Variants in PSPC1 observed in about 807,000 individuals in gnomAD.
The protein encoded by PSPC1 is paraspeckle protein 1.
In PSPC1, 14 loss-of-function variants were observed where a neutral mutation model predicts 51.6. The ratio of observed to expected loss-of-function variants is 0.27; its 90% CI spans 0.18 to 0.42. PSPC1 has a LOEUF of 0.42. Among genes scored for constraint, PSPC1 ranks in the 10% least tolerant of loss-of-function variants. The pLI, the probability that PSPC1 is intolerant of heterozygous loss-of-function variation, is 1.00. For missense variants in PSPC1, 406 were observed against 701.1 expected, an observed-to-expected ratio of 0.58 and a Z score of 4.75; for synonymous variants, 193 against 231.9, an observed-to-expected ratio of 0.83 and a Z score of 1.53.
intron 4 of PSPC1, among the ~76,000 whole-genome samples, chr13:19,743,764 G>A (rs180859002): frequency 1.3e-5 from 2 of 152,122 alleles, no homozygotes; most frequent in African/African-American, 2.4e-5. Context: ...CAATTATTTC[G>A]AACCTTTATA....
At chr13:19,738,158 A>G (rs117703192) in intron 5 of PSPC1, among the ~76,000 whole-genome samples, 2,132 of 152,302 alleles carry the variant, frequency 0.014, 23 homozygotes, top group Non-Finnish European at 0.021. Flanking sequence ...ACATAAACAC[A>G]CATCTATATT....
chr13:19,720,086 A>G (rs1882579518), intron 6 of PSPC1, among the ~76,000 whole-genome samples: 1 of 152,224 alleles, frequency 6.6e-6, no homozygotes. Flanking sequence ...CCTAAAATTG[A>G]TTAATAGTAT....
At chr13:19,690,246 A>T (rs1211462174) in intron 6 of PSPC1, among the ~76,000 whole-genome samples, 1 of 152,226 alleles carries the variant, frequency 6.6e-6, no homozygotes, top group Non-Finnish European at 1.5e-5. Context: ...TTAAAGTTCA[A>T]TTACTGGAAG....
chr13:19,711,220 C>CA (rs567776149), intron 6 of PSPC1, among the ~76,000 whole-genome samples: 2 of 152,022 alleles, frequency 1.3e-5, no homozygotes, highest in Admixed American at 6.5e-5. Flanking sequence ...TGCTGACCTG[C>CA]AAAAAAAGCT....
intron 1 of PSPC1, among the ~76,000 whole-genome samples, chr13:19,775,944 G>T (rs2138341706): frequency 1.3e-5 from 2 of 152,064 alleles, no homozygotes; most frequent in South Asian, 4.1e-4. Flanking sequence ...CCAGCTGCTG[G>T]GGAGGCTGAG....
chr13:19,769,201 A>G (rs913450644), intron 2 of PSPC1, among the ~76,000 whole-genome samples: 1 of 151,154 alleles, frequency 6.6e-6, no homozygotes, highest in Non-Finnish European at 1.5e-5. Context: ...CTGTAATCTC[A>G]GCACTTTGGG....
intron 5 of PSPC1, chr13:19,737,100 C>T (rs11616229): frequency 0.11 from 16,243 of 152,216 alleles, 1,009 homozygotes; most frequent in Middle Eastern, 0.14. Context: ...TTCACCCCTC[C>T]TTAGGTAACC....
chr13:19,690,874 C>A (rs535197870), intron 6 of PSPC1, among the ~76,000 whole-genome samples: 6 of 152,274 alleles, frequency 3.9e-5, no homozygotes, highest in African/African-American at 1.4e-4. Flanking sequence ...CTCGTCCTCC[C>A]TGCTGGCTAT....
chr13:19,738,503 C>T (rs978802302), intron 5 of PSPC1, among the ~76,000 whole-genome samples: 8 of 152,064 alleles, frequency 5.3e-5, no homozygotes, highest in Admixed American at 2.0e-4. Context: ...TTACAGAGAA[C>T]GACAAGTAAC....
intron 1 of PSPC1, among the ~76,000 whole-genome samples, chr13:19,775,519 A>T (rs1258203398): frequency 6.6e-6 from 1 of 152,224 alleles, no homozygotes; most frequent in African/African-American, 2.4e-5. Context: ...TTTACACAGT[A>T]TAAGGATTTG....
chr13:19,719,508 C>CA (rs1405311312), intron 6 of PSPC1, among the ~76,000 whole-genome samples: 6 of 152,148 alleles, frequency 3.9e-5, no homozygotes, highest in Middle Eastern at 3.4e-3. Context: ...AGTCACGAAA[C>CA]AAAAAGTAGT....
intron 5 of PSPC1, among the ~76,000 whole-genome samples, chr13:19,739,085 A>C (rs1051478241): frequency 1.3e-5 from 2 of 152,192 alleles, no homozygotes; most frequent in African/African-American, 4.8e-5. Context: ...AAGTGGTTTC[A>C]GAACTACTAG....
intron 6 of PSPC1, among the ~76,000 whole-genome samples, chr13:19,696,340 T>A (rs1031188433): frequency 3.9e-5 from 6 of 152,294 alleles, no homozygotes; most frequent in African/African-American, 1.4e-4. Context: ...TCTGGGATAT[T>A]AAAGGACTGA....
intron 4 of PSPC1, among the ~76,000 whole-genome samples, chr13:19,749,607 A>G (rs139243951): frequency 1.0e-3 from 154 of 150,262 alleles, no homozygotes; most frequent in African/African-American, 3.6e-3. Flanking sequence ...AACAACTTGC[A>G]CATTTTCCAC....
intron 6 of PSPC1, among the ~76,000 whole-genome samples, chr13:19,684,108 A>T (rs1877586904): frequency 6.6e-6 from 1 of 152,234 alleles, no homozygotes; most frequent in Non-Finnish European, 1.5e-5. Context: ...TTAGGAAGTG[A>T]GACATGTCAC....
intron 6 of PSPC1, among the ~76,000 whole-genome samples, chr13:19,714,358 T>C (rs1881824500): frequency 6.6e-6 from 1 of 152,206 alleles, no homozygotes; most frequent in African/African-American, 2.4e-5. Context: ...TTTAATTTTG[T>C]AAAATAAATA....
At chr13:19,686,685 A>G (rs1295966244) in intron 6 of PSPC1, among the ~76,000 whole-genome samples, 6 of 152,220 alleles carry the variant, frequency 3.9e-5, no homozygotes, top group African/African-American at 1.4e-4. Flanking sequence ...TAGTTTATGT[A>G]TAAATAGTAT....
chr13:19,779,728 A>G (rs1319231202), intron 1 of PSPC1, among the ~76,000 whole-genome samples: 5 of 89,942 alleles, frequency 5.6e-5, no homozygotes, highest in Non-Finnish European at 1.1e-4. Context: ...TCTGGGAGGG[A>G]GGTGGGGGGG....
In PSPC1 at chr13:19,751,322, C is replaced by T; in HGVS notation, c.916G>A (p.Ala306Thr). The T allele has an allele frequency of 6.4e-7, 1 of 1,573,078 alleles. No individual in the cohort carries two copies. The change falls in exon 4 of 9, where the codon GCA becomes ACA. Residue 306 changes from alanine (A) to threonine (T), a missense_variant. This residue lies in a region of PSPC1 where 180 missense variants were observed against 337.9 expected (regional missense o/e 0.53). Coordinates refer to ENST00000338910, the MANE Select transcript of PSPC1 (RefSeq NM_001354909.2). Reference sequence around the variant, plus strand: ...TCATGCCTAGCTGCTTCCATTTCTGCCTCCAGTTTCTCTTTGGCTTCTCTG... The same window carrying T: ...TCATGCCTAGCTGCTTCCATTTCTGTCTCCAGTTTCTCTTTGGCTTCTCTG... ...NIREAKEKLE[A>T]EMEAARHEHQ...
Sources: gnomAD v4.1 joint callset for allele counts (sites outside exome capture counted in the v4.1 genomes callset) on GRCh38, gnomAD v4.1.1 for gene constraint, gnomAD v4.1.1 regional missense constraint, MANE v1.5 for transcripts, NCBI Gene and HGNC (gene_info 2026-07-23, HGNC 2026-07-21) for gene names.